The following APOB variants were observed in gnomAD, a reference collection of about 807,000 sequenced individuals.
APOB encodes the protein apolipoprotein B-100.
Under a neutral mutation model 314.1 loss-of-function variants are expected in APOB, and 153 were observed. That is an observed-to-expected ratio of 0.49 (90% confidence interval 0.43 to 0.56). APOB has a LOEUF of 0.56. Ranked by LOEUF, APOB falls within the 20% of genes least tolerant of loss-of-function variation. The probability of loss-of-function intolerance (pLI) is 0.00; values close to 1 mark genes in which losing one functional copy is unlikely to be tolerated. For missense variants in APOB, 5,430 were observed against 5,350.7 expected, an observed-to-expected ratio of 1.01 and a Z score of -0.46; for synonymous variants, 2,087 against 2,036.4, an observed-to-expected ratio of 1.02 and a Z score of -0.67.
In APOB at chr2:21,012,638, T is replaced by C; in HGVS notation, c.4230A>G (p.Thr1410=). 1 of 1,612,444 alleles carries C rather than the reference T, an allele frequency of 6.2e-7. No homozygotes were observed. The change falls in exon 26 of 29, where the codon ACA becomes ACG. Residue 1410 remains threonine (T), a synonymous_variant. Coordinates refer to ENST00000233242, the MANE Select transcript of APOB (RefSeq NM_000384.3). Reference sequence around the variant, plus strand: ...TGAACGTATTCTTGTGGTCATATGTTGTTTCTCCAGATCCTAACATAAAAA... The same window carrying C: ...TGAACGTATTCTTGTGGTCATATGTCGTTTCTCCAGATCCTAACATAAAAA... ...LSYNVQGSGE[T]TYDHKNTFTL...
rs1663425652 is a variant in APOB at position 21,014,947 on chromosome 2, G to T, written c.3696+126C>A. The T allele has an allele frequency of 2.8e-6, 3 of 1,059,728 alleles. No homozygotes were observed. In the African/African-American group the frequency reaches 4.8e-5, roughly 17 times the overall value. The allele number at this position is 1,059,728 out of a possible 1,614,324, so 65.6% of individuals were successfully genotyped here. A position where few individuals can be genotyped will look rare whatever the true frequency, so the allele number is the denominator to read the frequency against. On this transcript the variant is annotated intron_variant, in intron 23 of 28. Coordinates refer to ENST00000233242, the MANE Select transcript of APOB (RefSeq NM_000384.3). Reference sequence around the variant, plus strand: ...TGTGAAAGTTTTTTTTTCTCCCCAAGAATTCCCTGGGGGGAAGGAAGCATG... The same window carrying T: ...TGTGAAAGTTTTTTTTTCTCCCCAATAATTCCCTGGGGGGAAGGAAGCATG...
intron 16 of APOB, 188 bp downstream of exon 16, chr2:21,024,745 T>G: frequency 1.4e-6 from 1 of 725,832 alleles, no homozygotes; most frequent in Non-Finnish European, 2.5e-6. Flanking sequence ...TAGCTTAATT[T>G]CTAAATGTTA....
Position 21,006,405 on chromosome 2 carries a change from G to C in APOB, c.10463C>G (p.Ser3488Cys). The C allele has an allele frequency of 6.2e-7, 1 of 1,614,052 alleles. No individual in the cohort carries two copies. The highest frequency in any genetic ancestry group is 8.5e-7 in the Non-Finnish European group (1 of 1,179,976). The change falls in exon 26 of 29, where the codon TCT becomes TGT. Residue 3488 changes from serine to cysteine, a missense_variant. Physicochemically the swap from Ser to Cys is moderately radical, Grantham distance 112. Coordinates refer to ENST00000233242, the MANE Select transcript of APOB (RefSeq NM_000384.3). Reference protein sequence around the residue: ...DHKLSLESLTSYFSIESSTKG... With the variant: ...DHKLSLESLTCYFSIESSTKG... ...GGTAGATGACTCAATGGAAAAGTAA[G>C]AGGTGAGGCTTTCCAAGCTAAGCTT...
At position 21,001,657 on chromosome 2, in the gene APOB, A is replaced by T; in HGVS notation, c.*73T>A. ...ACTGTATGGTTTTATCAATATAGGC[A>T]GTTTGAATTTTTTCTGTGCTATGTG... On this transcript the variant is annotated 3_prime_UTR_variant, in exon 29 of 29. Transcript: ENST00000233242. The T allele has an allele frequency of 6.8e-7, 1 of 1,469,748 alleles. No homozygotes were observed. The highest frequency in any genetic ancestry group is 9.5e-7 in the Non-Finnish European group (1 of 1,053,522). 91.0% of individuals were successfully genotyped at this position (1,469,748 alleles called of 1,614,324 possible). A position where few individuals can be genotyped will look rare whatever the true frequency, so the allele number is the denominator to read the frequency against.
Position 21,043,845 on chromosome 2 carries a change from AG to A in APOB, c.82+18del. Reference sequence around the variant, plus strand: ...TCCCTCCCGCTCCCTCTGCGCCCGCAGAGCGGCCGCGCACTCACCGGCCCTG... The same window carrying A: ...TCCCTCCCGCTCCCTCTGCGCCCGCAAGCGGCCGCGCACTCACCGGCCCTG... On this transcript the variant is annotated intron_variant, in intron 1 of 28. Transcript: ENST00000233242. 2.0e-6 allele frequency: 3 copies of A among 1,529,494 alleles called. No homozygotes were observed. The highest frequency in any genetic ancestry group is 2.6e-6 in the Non-Finnish European group (3 of 1,143,754). The allele number at this position is 1,529,494 out of a possible 1,614,324, so 94.7% of individuals were successfully genotyped here.
intron 19 of APOB, 53 bp downstream of exon 19, chr2:21,019,670 G>C (rs1284746427): frequency 6.4e-7 from 1 of 1,555,972 alleles, no homozygotes; most frequent in African/African-American, 1.4e-5. Flanking sequence ...ATGCTAGGTG[G>C]CCATGATGTG....
intron 7 of APOB, among the ~76,000 whole-genome samples, chr2:21,035,129 G>C (rs185484386): frequency 6.6e-6 from 1 of 152,284 alleles, no homozygotes; most frequent in African/African-American, 2.4e-5. Context: ...CACTAGTCTG[G>C]AGTGGCCAGA....
chr2:21,042,608 CTT>C (rs1055696210), intron 2 of APOB, 132 bp from the exon 3 acceptor site: 7 of 727,366 alleles, frequency 9.6e-6, no homozygotes, highest in Non-Finnish European at 1.7e-5. Flanking sequence ...TTTTAATTGA[CTT>C]TATACTTAAT....
At position 21,014,560 on chromosome 2, in the gene APOB, T is replaced by A; in HGVS notation, c.3730A>T (p.Ser1244Cys). Residue 1244 changes from serine (S) to cysteine (C), a missense_variant, in exon 24 of 29, where the codon AGT becomes TGT. By Grantham distance (112) the Ser-to-Cys change is moderately radical. This residue lies in a region of APOB where 2,085 missense variants were observed against 2,079.7 expected (regional missense o/e 1.00). Coordinates refer to ENST00000233242, the MANE Select transcript of APOB (RefSeq NM_000384.3). ...MSSWLQKASG[S>C]LPYTQTLQDH... ...TGCAAAGTCTGGGTATAAGGAAGAC[T>A]CCCAGATGCCTTCTGAAGCCATGAG... 1 of 1,614,056 alleles carries A rather than the reference T, an allele frequency of 6.2e-7. No homozygotes were observed. Among genetic ancestry groups the A allele is most frequent in the Non-Finnish European group, 8.5e-7 (1 of 1,179,972 alleles).
At chr2:21,039,959 C>T (rs1255793400) in intron 4 of APOB, among the ~76,000 whole-genome samples, 1 of 152,196 alleles carries the variant, frequency 6.6e-6, no homozygotes, top group Non-Finnish European at 1.5e-5. Context: ...TATGGTTTGG[C>T]TCTGCGTCCC....
chr2:21,021,399 G>T (rs764490463), intron 18 of APOB, among the ~76,000 whole-genome samples: 1 of 152,104 alleles, frequency 6.6e-6, no homozygotes, highest in Middle Eastern at 3.2e-3. Flanking sequence ...ATGTCCAATG[G>T]TCTCTTCGTG....
At position 21,033,269 on chromosome 2, in the gene APOB, A is replaced by T. The variant is rs560352099; in HGVS notation, c.1124+30T>A. ...AGTTCAGTCAGTTACCATCAGTTTT[A>T]TAAAAAGTTGAGCTGTAACCATTAG... On this transcript the variant is annotated intron_variant, in intron 9 of 28. Coordinates refer to ENST00000233242, the MANE Select transcript of APOB (RefSeq NM_000384.3). The T allele has an allele frequency of 2.3e-4, 367 of 1,574,692 alleles. 1 individual carries two copies. The African/African-American group carries it at 4.6e-3, about 20-fold the overall frequency.
chr2:21,035,290 C>T (rs987188262), intron 7 of APOB, among the ~76,000 whole-genome samples: 1 of 152,150 alleles, frequency 6.6e-6, no homozygotes, highest in Non-Finnish European at 1.5e-5. Context: ...CCAAATCTTC[C>T]ATGAAACCTT....
rs1337102534 is a variant in APOB, at chr2:21,003,182, G to C, written c.12240C>G (p.Val4080=). The change falls in exon 29 of 29, where the codon GTC becomes GTG. Residue 4080 remains valine (V), a synonymous_variant. Transcript: ENST00000233242. ...LKDNVPKATG[V]LYDYVNKYHW... ...GGTACTTGTTGACATAATCATAAAG[G>C]ACCCCTGTGGCCTTGGGCACGTTGT... 6.2e-7 allele frequency: 1 copy of C among 1,613,808 alleles called. No homozygotes were observed. The highest frequency in any genetic ancestry group is 1.3e-5 in the African/African-American group (1 of 74,880).
chr2:21,022,069 T>C (rs1663621371), intron 18 of APOB, among the ~76,000 whole-genome samples: 2 of 152,160 alleles, frequency 1.3e-5, no homozygotes, highest in African/African-American at 4.8e-5. Flanking sequence ...GATCCTCCCA[T>C]CTCAGCCTTC....
At chr2:21,019,645 A>G (rs1395140220) in intron 19 of APOB, 78 bp downstream of exon 19, 4 of 1,457,210 alleles carry the variant, frequency 2.7e-6, no homozygotes, top group Non-Finnish European at 2.9e-6. Context: ...AACACAGAGT[A>G]TTTTTTCCTG....
Position 21,015,358 on chromosome 2 carries a change from A to G in APOB, c.3508+12T>C. ...ACTTTGGAAGTGCTCACACAGGGGA[A>G]GAGACACATACCATAATGCCATGCC... is the stretch of plus-strand genomic sequence containing the variant. On this transcript the variant is annotated intron_variant, in intron 22 of 28. Transcript: ENST00000233242. 1 of 1,614,208 alleles carries G rather than the reference A, an allele frequency of 6.2e-7. No individual in the cohort carries two copies. The highest frequency in any genetic ancestry group is 8.5e-7 in the Non-Finnish European group (1 of 1,180,008).
intron 16 of APOB, chr2:21,023,967 T>C (rs771617213): frequency 2.1e-5 from 6 of 292,522 alleles, no homozygotes; most frequent in Non-Finnish European, 3.8e-5. Flanking sequence ...GCCTCAGAGC[T>C]TTATGGACTT....
chr2:21,042,474 C>T lies in APOB; in HGVS notation c.124G>A (p.Asp42Asn). 2 of 1,613,600 alleles carry T rather than the reference C, an allele frequency of 1.2e-6. No homozygotes were observed. Among genetic ancestry groups the T allele is most frequent in the Non-Finnish European group, 1.7e-6 (2 of 1,179,480 alleles). ...LENVSLVCPKDATRFKHLRKY... is the reference protein window; with the variant it reads ...LENVSLVCPKNATRFKHLRKY... The stretch of plus-strand genomic sequence containing the variant: ...CGGAGGTGCTTGAATCGGGTCGCAT[C>T]TTCTAACGTGGGGAGAAATACGTCA... Residue 42 changes from aspartate to asparagine, a missense_variant and splice_region_variant, in exon 3 of 29, where the codon GAT becomes AAT. Physicochemically the swap from Asp to Asn is conservative, Grantham distance 23. Coordinates refer to ENST00000233242, the MANE Select transcript of APOB (RefSeq NM_000384.3).
Sources: allele counts gnomAD v4.1 joint callset (sites outside exome capture counted in the v4.1 genomes callset), GRCh38; gene constraint gnomAD v4.1.1; regional missense constraint gnomAD v4.1.1; transcripts MANE v1.5; gene names NCBI Gene and HGNC (gene_info 2026-07-23, HGNC 2026-07-21).